THOC6: variants seen among roughly 807,000 people sequenced by gnomAD.
THOC6 encodes the protein THO complex subunit 6.
THOC6 carries 39 observed loss-of-function variants against 55.8 expected under a neutral mutation model. That is an observed-to-expected ratio of 0.70 (90% confidence interval 0.54 to 0.91). The LOEUF (loss-of-function observed/expected upper bound fraction) is 0.91, where lower values mean the gene tolerates loss of function less well. Ranked by LOEUF, THOC6 falls within the 40% of genes least tolerant of loss-of-function variation. The probability of loss-of-function intolerance (pLI) is 0.00; values close to 1 mark genes in which losing one functional copy is unlikely to be tolerated. For missense variants in THOC6, 482 were observed against 442.0 expected (o/e 1.09, Z -0.81); for synonymous variants, 192 against 175.6 (o/e 1.09, Z -0.74).
At position 3,024,116 on chromosome 16, in the gene THOC6, T is replaced by C. The variant is rs1400890029; in HGVS notation, c.-211T>C. On this transcript the variant is annotated 5_prime_UTR_variant, in exon 1 of 13. Transcript: ENST00000326266. ...GCTTGCTCCTCGGGGTGGGGGAGGG[T>C]ATCCGGCTTAAGGGGGCTGCGGTGG... 1 of 698,760 alleles carries C rather than the reference T, an allele frequency of 1.4e-6. No individual in the cohort carries two copies. Among genetic ancestry groups the C allele is most frequent in the Non-Finnish European group, 2.4e-6 (1 of 423,062 alleles). The allele number at this position is 698,760 out of a possible 1,614,324, so 43.3% of individuals were successfully genotyped here.
Position 3,027,226 on chromosome 16 carries a change from C to T in THOC6, c.756C>T (p.Thr252=), listed in dbSNP as rs1490167987. The T allele has an allele frequency of 1.2e-6, 2 of 1,614,064 alleles. No individual in the cohort carries two copies. The highest frequency in any genetic ancestry group is 4.5e-5 in the East Asian group (2 of 44,906). ...TLWHLRSSTP[T]TIFPIRAPQK... is the part of the protein sequence containing the mutation. The stretch of plus-strand genomic sequence containing the variant: ...GGCACCTCCGATCCTCCACACCCAC[C>T]ACCATCTTCCCCATCCGGGCGCCAC... Residue 252 remains threonine (T), a synonymous_variant, in exon 11 of 13, where the codon ACC becomes ACT. Coordinates refer to ENST00000326266, the MANE Select transcript of THOC6 (RefSeq NM_024339.5).
rs945899480 is a variant in THOC6 at position 3,024,516 on chromosome 16, G to A, written c.39+151G>A. ...ACCAGGGGGGCGGGATAGTAACCCA[G>A]AAGTGCTTCAGGGGCTTAACGCAAG... On this transcript the variant is annotated intron_variant, in intron 1 of 12. Transcript: ENST00000326266. 7.6e-6 allele frequency: 7 copies of A among 917,066 alleles called. No homozygotes were observed. The African/African-American group carries it at 1.1e-4, about 15-fold the overall frequency. The allele number at this position is 917,066 out of a possible 1,614,324, so 56.8% of individuals were successfully genotyped here.
rs2072722496 is a variant in THOC6, at chr16:3,024,289, G to T, written c.-38G>T. The T allele has an allele frequency of 6.2e-7, 1 of 1,614,006 alleles. No individual in the cohort carries two copies. The highest frequency in any genetic ancestry group is 2.2e-5 in the East Asian group (1 of 44,878). ...GGCACGTAAGGCCTCGTGAGGTTGCGTCGCGCGCGGAGCACTCTGGGACTT... is the reference window on the plus strand; with the variant it reads ...GGCACGTAAGGCCTCGTGAGGTTGCTTCGCGCGCGGAGCACTCTGGGACTT... On this transcript the variant is annotated 5_prime_UTR_variant, in exon 1 of 13. Coordinates refer to ENST00000326266, the MANE Select transcript of THOC6 (RefSeq NM_024339.5).
intron 1 of THOC6, 122 bp from the exon 2 acceptor site, chr16:3,025,586 A>G: frequency 1.1e-6 from 1 of 889,358 alleles, no homozygotes; most frequent in Non-Finnish European, 1.8e-6. Context: ...GGGCCGCCTC[A>G]AAAGAAGGCT....
At position 3,026,572 on chromosome 16, in the gene THOC6, A is replaced by G. The variant is rs1285498238; in HGVS notation, c.468A>G (p.Glu156=). The G allele has an allele frequency of 1.2e-6, 2 of 1,613,894 alleles. No individual in the cohort carries two copies. Among genetic ancestry groups the G allele is most frequent in the South Asian group, 2.2e-5 (2 of 91,066 alleles). The change falls in exon 7 of 13, where the codon GAA becomes GAG. Residue 156 remains glutamate (E), a synonymous_variant. Transcript: ENST00000326266. ...GTCAGTTGCACACTATGGACCTTGA[A>G]ACTGGGACTTTCACGGTGAGCAGGG... ...GDCQLHTMDL[E]TGTFTRVLRG...
rs1167050610 is a variant in THOC6, at chr16:3,024,203, G to A, written c.-124G>A. ...CACCTCGGCTCCTAGGGTTCGGGACGGTACGCACCAGCCACCTTCGCGCCG... is the reference window on the plus strand; with the variant it reads ...CACCTCGGCTCCTAGGGTTCGGGACAGTACGCACCAGCCACCTTCGCGCCG... On this transcript the variant is annotated 5_prime_UTR_variant, in exon 1 of 13. Transcript: ENST00000326266. The A allele has an allele frequency of 1.4e-5, 17 of 1,238,940 alleles. No individual in the cohort carries two copies. The highest frequency in any genetic ancestry group is 2.0e-5 in the Non-Finnish European group (17 of 863,688). The allele number at this position is 1,238,940 out of a possible 1,614,324, so 76.7% of individuals were successfully genotyped here.
chr16:3,027,526 G>A (rs374856227), intron 12 of THOC6, 26 bp downstream of exon 12: 14 of 1,611,736 alleles, frequency 8.7e-6, no homozygotes, highest in Admixed American at 5.0e-5. Flanking sequence ...GCCGCGGAGC[G>A]GCTGGGAGGC....
In THOC6 at chr16:3,027,001, C is replaced by T. The variant is rs778639669; in HGVS notation, c.637-10C>T. 1.2e-5 allele frequency: 19 copies of T among 1,614,232 alleles called. No individual in the cohort carries two copies. Among genetic ancestry groups the T allele is most frequent in the Non-Finnish European group, 1.6e-5 (19 of 1,180,040 alleles). On this transcript the variant is annotated splice_polypyrimidine_tract_variant and intron_variant, in intron 9 of 12. Coordinates refer to ENST00000326266, the MANE Select transcript of THOC6 (RefSeq NM_024339.5). ...CTTCACCTCTTTCCCTCCTCCCCTC[C>T]CCATCCCAGGAGTGCTCGAGGCCCC...
chr16:3,024,934 C>G (rs2072745682), intron 1 of THOC6, among the ~76,000 whole-genome samples: 1 of 137,760 alleles, frequency 7.3e-6, no homozygotes, highest in Non-Finnish European at 1.5e-5. Flanking sequence ...CACGCCCGGC[C>G]AAATTTTTTT....
intron 7 of THOC6, 26 bp from the exon 8 acceptor site, chr16:3,026,652 CT>C: frequency 6.2e-7 from 1 of 1,610,616 alleles, no homozygotes. Context: ...CCTAGGTCTC[CT>C]CCTGACATCG....
chr16:3,026,166 G>A lies in THOC6; in HGVS notation c.324G>A (p.Lys108=), dbSNP rs1302083979. The change falls in exon 4 of 13, where the codon AAG becomes AAA. Residue 108 remains lysine, a splice_region_variant and synonymous_variant. Coordinates refer to ENST00000326266, the MANE Select transcript of THOC6 (RefSeq NM_024339.5). ...KAWLWAEMLK[K]GCKELWRRQP... ...GGCTTTGGGCGGAGATGCTCAAGAA[G>A]GTAAGGAGTCGAGCTTGGGAAAGGG... 1 of 1,611,084 alleles carries A rather than the reference G, an allele frequency of 6.2e-7. No individual in the cohort carries two copies. Among genetic ancestry groups the A allele is most frequent in the Non-Finnish European group, 8.5e-7 (1 of 1,177,884 alleles).
In THOC6 at chr16:3,027,505, G is replaced by A; in HGVS notation, c.945+5G>A. ...CCTGCCGCGCCTGAGTGCAAGGTGG[G>A]TCCGGCAGGGGCCGCGGAGCGGCTG... On this transcript the variant is annotated splice_donor_5th_base_variant and intron_variant, in intron 12 of 12. Transcript: ENST00000326266. 6.2e-7 allele frequency: 1 copy of A among 1,611,770 alleles called. No homozygotes were observed. The highest frequency in any genetic ancestry group is 8.5e-7 in the Non-Finnish European group (1 of 1,178,862).
rs2072833088 is a variant in THOC6 at position 3,027,576 on chromosome 16, G to T, written c.946-1G>T. 1 of 1,613,906 alleles carries T rather than the reference G, an allele frequency of 6.2e-7. No individual in the cohort carries two copies. The highest frequency in any genetic ancestry group is 1.3e-5 in the African/African-American group (1 of 74,950). On this transcript the variant is annotated splice_acceptor_variant, in intron 12 of 12. Transcript: ENST00000326266. LOFTEE classifies it high-confidence loss of function. ...GCCAGTCATGCCCCTCTTTCCTCCA[G>T]GTCCTGACAGCTGCAGGCAACAGCT...
Position 3,027,076 on chromosome 16 carries a change from G to A in THOC6, c.699+3G>A. The A allele has an allele frequency of 6.2e-7, 1 of 1,614,196 alleles. No homozygotes were observed. The highest frequency in any genetic ancestry group is 8.5e-7 in the Non-Finnish European group (1 of 1,180,032). The stretch of plus-strand genomic sequence containing the variant: ...TGGCAACTGATTCCGACTGGATGGT[G>A]AGCTGGGCAGACTGTGGGATGGGAT... On this transcript the variant is annotated splice_donor_region_variant and intron_variant, in intron 10 of 12. Transcript: ENST00000326266.
Position 3,025,965 on chromosome 16 carries a change from A to G in THOC6, c.197A>G (p.Lys66Arg). The G allele has an allele frequency of 6.2e-7, 1 of 1,614,204 alleles. No individual in the cohort carries two copies. Among genetic ancestry groups the G allele is most frequent in the Non-Finnish European group, 8.5e-7 (1 of 1,180,020 alleles). Reference protein sequence around the residue: ...ALSSEAKEESKKPVVTFQAHD... With the variant: ...ALSSEAKEESRKPVVTFQAHD... Reference sequence around the variant, plus strand: ...AGCTCAGAAGCCAAAGAGGAAAGTAAGAAGCCGGTGGTGACTTTCCAAGGT... The same window carrying G: ...AGCTCAGAAGCCAAAGAGGAAAGTAGGAAGCCGGTGGTGACTTTCCAAGGT... The change falls in exon 3 of 13, where the codon AAG (lysine) becomes AGG (arginine). Residue 66 changes from lysine to arginine, a missense_variant. By Grantham distance (26) the Lys-to-Arg change is conservative (BLOSUM62 2). Transcript: ENST00000326266.
At position 3,024,246 on chromosome 16, in the gene THOC6, C is replaced by T. The variant is rs1294969750; in HGVS notation, c.-81C>T. On this transcript the variant is annotated 5_prime_UTR_variant, in exon 1 of 13. It adds an upstream start codon to the 5' untranslated region. Transcript: ENST00000326266. ...TCGCGCCGAAGGCGGTAGGGCGCCA[C>T]GGAGAGGAACCGCTCTAGGCACGTA... 1.9e-6 allele frequency: 3 copies of T among 1,580,358 alleles called. No homozygotes were observed. Among genetic ancestry groups the T allele is most frequent in the Non-Finnish European group, 2.6e-6 (3 of 1,152,092 alleles).
rs1299403754 is a variant in THOC6 at position 3,025,728 on chromosome 16, G to T, written c.60G>T (p.Leu20Phe). The change falls in exon 2 of 13, where the codon TTG (leucine) becomes TTT (phenylalanine). Residue 20 changes from leucine (L) to phenylalanine (F), a missense_variant. By Grantham distance (22) the Leu-to-Phe change is conservative (BLOSUM62 0). Transcript: ENST00000326266. The part of the protein sequence containing the change: ...PLGQTEVFQA[L>F]QRLHMTIFSQ... ...TGCAGACAGAGGTGTTCCAGGCCTTGCAGCGGCTCCATATGACCATCTTCT... is the reference window on the plus strand; with the variant it reads ...TGCAGACAGAGGTGTTCCAGGCCTTTCAGCGGCTCCATATGACCATCTTCT... 1 of 1,614,104 alleles carries T rather than the reference G, an allele frequency of 6.2e-7. No individual in the cohort carries two copies. The highest frequency in any genetic ancestry group is 8.5e-7 in the Non-Finnish European group (1 of 1,179,964).
In THOC6 at chr16:3,024,115, G is replaced by A. The variant is rs766651818; in HGVS notation, c.-212G>A. On this transcript the variant is annotated 5_prime_UTR_variant, in exon 1 of 13. Transcript: ENST00000326266. ...GGCTTGCTCCTCGGGGTGGGGGAGG[G>A]TATCCGGCTTAAGGGGGCTGCGGTG... The A allele has an allele frequency of 2.2e-4, 159 of 707,396 alleles. 1 individual carries two copies. The highest frequency in any genetic ancestry group is 3.4e-4 in the Non-Finnish European group (147 of 428,216). 43.8% of individuals were successfully genotyped at this position (707,396 alleles called of 1,614,324 possible). A position where few individuals can be genotyped will look rare whatever the true frequency, so the allele number is the denominator to read the frequency against.
intron 9 of THOC6, 27 bp from the exon 10 acceptor site, chr16:3,026,984 C>T (rs372573615): frequency 3.1e-6 from 5 of 1,614,210 alleles, no homozygotes; most frequent in Non-Finnish European, 4.2e-6. Flanking sequence ...GTCTTCACCT[C>T]TTTCCCTCCT....
Sources: allele counts gnomAD v4.1 joint callset (sites outside exome capture counted in the v4.1 genomes callset), GRCh38; gene constraint gnomAD v4.1.1; transcripts MANE v1.5; gene names NCBI Gene and HGNC (gene_info 2026-07-23, HGNC 2026-07-21).